MACO1: variants seen among roughly 807,000 people sequenced by gnomAD.
MACO1 encodes the protein macoilin.
Under a neutral mutation model 78.7 loss-of-function variants are expected in MACO1, and 14 were observed. The observed-to-expected ratio is 0.18, with a 90% CI of 0.12 to 0.28. MACO1 has a LOEUF of 0.28. MACO1 is among the 10% of genes least tolerant of loss of function. The probability of loss-of-function intolerance (pLI) is 1.00; values close to 1 mark genes in which losing one functional copy is unlikely to be tolerated. For synonymous variants in MACO1, 288 were observed against 291.6 expected, an observed-to-expected ratio of 0.99 and a Z score of 0.12; for missense variants, 501 against 799.0, an observed-to-expected ratio of 0.63 and a Z score of 4.50.
chr1:25,438,982 A>G (rs1372494891), intron 1 of MACO1, among the ~76,000 whole-genome samples: 1 of 152,120 alleles, frequency 6.6e-6, no homozygotes, highest in African/African-American at 2.4e-5. Flanking sequence ...AAAGAAACAC[A>G]TTTGTTTATA....
chr1:25,444,471 G>T (rs975937298), intron 1 of MACO1, among the ~76,000 whole-genome samples: 5 of 151,968 alleles, frequency 3.3e-5, no homozygotes, highest in African/African-American at 9.7e-5. Flanking sequence ...ACGTAGAAAG[G>T]GTTCTAGACA....
At chr1:25,492,634 T>C (rs1471453369) in intron 10 of MACO1, among the ~76,000 whole-genome samples, 2 of 152,040 alleles carry the variant, frequency 1.3e-5, no homozygotes, top group African/African-American at 2.4e-5. Flanking sequence ...TTGAGGCCCA[T>C]GGAAAGAACT....
chr1:25,466,543 C>G (rs1468754169), intron 6 of MACO1, among the ~76,000 whole-genome samples: 2 of 152,168 alleles, frequency 1.3e-5, no homozygotes, highest in Non-Finnish European at 2.9e-5. Flanking sequence ...AAACTCCTGA[C>G]CTCAGGTGAT....
Position 25,485,606 on chromosome 1 carries a change from C to T in MACO1, c.1314-7C>T. On this transcript the variant is annotated splice_region_variant and splice_polypyrimidine_tract_variant and intron_variant, in intron 7 of 10. Transcript: ENST00000374343. This position sits in a 1 kb window ranked among gnomAD's most constrained non-coding sequence, Gnocchi z 4.3. ...TAAGACTTTATATGACAATCATTTC[C>T]ATATAGGTTACATAATGCTGTGCAA... 3.1e-6 allele frequency: 5 copies of T among 1,607,440 alleles called. No individual in the cohort carries two copies. The South Asian group carries it at 5.6e-5, about 18-fold the overall frequency.
intron 6 of MACO1, among the ~76,000 whole-genome samples, chr1:25,459,959 CCCCTT>C (rs1389397547): frequency 1.3e-5 from 2 of 152,172 alleles, no homozygotes; most frequent in Admixed American, 6.5e-5. Flanking sequence ...TTGAAACTCT[CCCCTT>C]CCAGTAAGTT....
chr1:25,445,714 ACT>A lies in MACO1; in HGVS notation c.81-1047_81-1046del, dbSNP rs1187013323. 2.0e-5 allele frequency among the ~76,000 whole-genome samples: 3 copies of A among 152,216 alleles called. No homozygotes were observed. The South Asian group carries it at 6.2e-4, about 32-fold the overall frequency. On this transcript the variant is annotated intron_variant, in intron 1 of 10. Transcript: ENST00000374343. Reference sequence around the variant, plus strand: ...CTCAATTTTGTTGTTTTTTTAAATGACTAATTTGATCACATCAGTATTGGAAT... The same window carrying A: ...CTCAATTTTGTTGTTTTTTTAAATGAAATTTGATCACATCAGTATTGGAAT...
rs767068679 is a variant in MACO1 at position 25,449,092 on chromosome 1, CT to C, written c.349+164del. On this transcript the variant is annotated intron_variant, in intron 3 of 10. Coordinates refer to ENST00000374343, the MANE Select transcript of MACO1 (RefSeq NM_018202.6). The stretch of plus-strand genomic sequence containing the variant: ...ATAATATACCTTCAAAAATATATAT[CT>C]TTTTTCGTTATTTGAATACAAACTT... 2.8e-4 allele frequency among the ~76,000 whole-genome samples: 43 copies of C among 151,798 alleles called. 1 individual carries two copies. Among genetic ancestry groups the C allele is most frequent in the Non-Finnish European group, 1.0e-4 (7 of 67,938 alleles).
chr1:25,467,730 G>GAT (rs1244200954), intron 6 of MACO1, among the ~76,000 whole-genome samples: 1 of 120,800 alleles, frequency 8.3e-6, no homozygotes, highest in African/African-American at 3.3e-5. Flanking sequence ...TTAGAATGAT[G>GAT]ATTTTTTTTT....
At chr1:25,471,490 G>A (rs892038779) in intron 6 of MACO1, among the ~76,000 whole-genome samples, 1 of 152,180 alleles carries the variant, frequency 6.6e-6, no homozygotes, top group Non-Finnish European at 1.5e-5. Flanking sequence ...CATAGTTTAA[G>A]TTTTTATAAC....
At chr1:25,490,883 TTTC>T (rs1333054443) in intron 9 of MACO1, among the ~76,000 whole-genome samples, 1 of 152,198 alleles carries the variant, frequency 6.6e-6, no homozygotes, top group Non-Finnish European at 1.5e-5. Flanking sequence ...TAATTTTCAT[TTTC>T]TTCTTTGAAT....
chr1:25,435,872 C>T (rs1363378788), intron 1 of MACO1, among the ~76,000 whole-genome samples: 3 of 152,170 alleles, frequency 2.0e-5, no homozygotes, highest in Admixed American at 6.5e-5. Flanking sequence ...CTTTAAAAAT[C>T]GGCCACACTG....
intron 6 of MACO1, among the ~76,000 whole-genome samples, chr1:25,459,823 T>C (rs1272235940): frequency 2.6e-5 from 4 of 152,128 alleles, no homozygotes; most frequent in Admixed American, 6.5e-5. Flanking sequence ...TCAGACTTAA[T>C]TTTACTATAT....
intron 10 of MACO1, among the ~76,000 whole-genome samples, chr1:25,493,273 C>G (rs1289228442): frequency 6.6e-6 from 1 of 152,218 alleles, no homozygotes; most frequent in Non-Finnish European, 1.5e-5. Flanking sequence ...GGGTCTTGCT[C>G]TGTCACCCAG....
At chr1:25,431,243 C>T (rs1478937840) in intron 1 of MACO1, 65 bp downstream of exon 1, 2 of 1,334,766 alleles carry the variant, frequency 1.5e-6, no homozygotes, top group African/African-American at 1.5e-5. Context: ...TCCGAGGGGC[C>T]TGGCCCCGTT....
chr1:25,486,097 A>G (rs974775867), intron 8 of MACO1, among the ~76,000 whole-genome samples: 2 of 152,194 alleles, frequency 1.3e-5, no homozygotes, highest in Non-Finnish European at 2.9e-5. Context: ...TGTCAGACTG[A>G]TGATTACTAA....
rs546305365 is a variant in MACO1 at position 25,473,450 on chromosome 1, G to A, written c.1155-10666G>A. On this transcript the variant is annotated intron_variant, in intron 6 of 10. Transcript: ENST00000374343. ...GTATGGATAAATTATGAAGTAACAT[G>A]TAGGTTATTGGGGAGGGGGCTTCTA... Among the ~76,000 whole-genome samples, 220 of 152,192 alleles carry A rather than the reference G, an allele frequency of 1.4e-3. 3 individuals are homozygous for A. The highest frequency in any genetic ancestry group is 3.2e-4 in the Non-Finnish European group (22 of 68,004).
chr1:25,465,090 G>A (rs1010898811), intron 6 of MACO1, among the ~76,000 whole-genome samples: 3 of 152,094 alleles, frequency 2.0e-5, no homozygotes, highest in Admixed American at 2.0e-4. Context: ...TGGGATTACA[G>A]GCATGAGCCA....
chr1:25,477,384 A>G (rs1422169326), intron 6 of MACO1, among the ~76,000 whole-genome samples: 2 of 152,116 alleles, frequency 1.3e-5, no homozygotes, highest in Non-Finnish European at 2.9e-5. Flanking sequence ...CTACCTTTCA[A>G]TTAGTTGGCT....
chr1:25,472,706 CT>C (rs1228442704), intron 6 of MACO1, among the ~76,000 whole-genome samples: 1 of 152,062 alleles, frequency 6.6e-6, no homozygotes, highest in Non-Finnish European at 1.5e-5. Flanking sequence ...GTGATTCAGG[CT>C]TTGGGGGTTC....
Sources: allele counts gnomAD v4.1 joint callset (sites outside exome capture counted in the v4.1 genomes callset), GRCh38; gene constraint gnomAD v4.1.1; non-coding constraint Gnocchi (gnomAD v3.1); transcripts MANE v1.5; gene names NCBI Gene and HGNC (gene_info 2026-07-23, HGNC 2026-07-21).